NPAS3: variants seen among roughly 807,000 people sequenced by gnomAD.
The protein encoded by NPAS3 is neuronal PAS domain-containing protein 3.
NPAS3 carries 14 observed loss-of-function variants against 73.1 expected under a neutral mutation model. The ratio of observed to expected loss-of-function variants is 0.19; its 90% CI spans 0.13 to 0.30. NPAS3 has a LOEUF of 0.30. NPAS3 is among the 10% of genes least tolerant of loss of function. NPAS3 has a pLI of 1.00. For missense variants in NPAS3, 1,096 were observed against 1,250.0 expected (o/e 0.88, Z 1.86); for synonymous variants, 620 against 541.5 (o/e 1.14, Z -2.01).
chr14:33,052,325 T>C (rs1466790513), intron 1 of NPAS3, among the ~76,000 whole-genome samples: 1 of 152,120 alleles, frequency 6.6e-6, no homozygotes, highest in African/African-American at 2.4e-5. Context: ...TCTTCCCTGA[T>C]ACATATTAAA....
intron 3 of NPAS3, among the ~76,000 whole-genome samples, chr14:33,293,503 T>C (rs576037711): frequency 3.0e-4 from 45 of 152,334 alleles, no homozygotes; most frequent in Middle Eastern, 3.4e-3. Context: ...TTGAGTGATT[T>C]CAAAAGAGGG....
intron 4 of NPAS3, among the ~76,000 whole-genome samples, chr14:33,406,635 A>T (rs559058492): frequency 5.9e-5 from 9 of 152,282 alleles, no homozygotes; most frequent in Admixed American, 2.6e-4. Context: ...TTTAGTTAAT[A>T]GCAAAGTAAT....
chr14:33,644,851 G>A (rs138660154), intron 5 of NPAS3, among the ~76,000 whole-genome samples: 2 of 152,272 alleles, frequency 1.3e-5, no homozygotes, highest in African/African-American at 4.8e-5. Flanking sequence ...GAGAGGCAGA[G>A]GCGGGCGGAT....
At chr14:33,120,628 C>A (rs1477565126) in intron 2 of NPAS3, among the ~76,000 whole-genome samples, 1 of 152,092 alleles carries the variant, frequency 6.6e-6, no homozygotes, top group African/African-American at 2.4e-5. Context: ...GGTCCATGGG[C>A]TAATAGCATT....
At chr14:33,773,428 G>C (rs2062716211) in intron 7 of NPAS3, among the ~76,000 whole-genome samples, 1 of 152,098 alleles carries the variant, frequency 6.6e-6, no homozygotes, top group South Asian at 2.1e-4. Flanking sequence ...CCCCCACCCA[G>C]CCCTTCCTTC....
chr14:33,519,459 T>G (rs772389116), intron 4 of NPAS3, among the ~76,000 whole-genome samples: 5 of 152,128 alleles, frequency 3.3e-5, no homozygotes, highest in Non-Finnish European at 7.4e-5. Context: ...CAGCTTCCCC[T>G]GATGTCATTC....
At chr14:33,326,617 A>G (rs548013181) in intron 3 of NPAS3, among the ~76,000 whole-genome samples, 1 of 152,258 alleles carries the variant, frequency 6.6e-6, no homozygotes, top group Non-Finnish European at 1.5e-5. Flanking sequence ...CTAACTGCCA[A>G]TGTAAGTATC....
At chr14:33,366,352 C>T (rs572757775) in intron 3 of NPAS3, among the ~76,000 whole-genome samples, 1 of 151,812 alleles carries the variant, frequency 6.6e-6, no homozygotes, top group Non-Finnish European at 1.5e-5. Flanking sequence ...AAACAGATGA[C>T]ACTCAATTCT....
chr14:33,504,762 T>G (rs1187798732), intron 4 of NPAS3, among the ~76,000 whole-genome samples: 6 of 152,044 alleles, frequency 3.9e-5, no homozygotes, highest in Admixed American at 2.6e-4. Context: ...GCTATGGTGA[T>G]GTTTTGAGAC....
chr14:33,107,724 A>C (rs184260317), intron 2 of NPAS3, among the ~76,000 whole-genome samples: 16 of 152,270 alleles, frequency 1.1e-4, no homozygotes, highest in African/African-American at 3.4e-4. Context: ...CATATTTTCT[A>C]CAAAATGATA....
At chr14:33,113,291 T>C (rs1281032637) in intron 2 of NPAS3, among the ~76,000 whole-genome samples, 1 of 152,236 alleles carries the variant, frequency 6.6e-6, no homozygotes, top group Non-Finnish European at 1.5e-5. Context: ...TGATTCTTCC[T>C]ACCCATGAGC....
chr14:33,766,682 G>T (rs183782923), intron 7 of NPAS3, among the ~76,000 whole-genome samples: 171 of 152,224 alleles, frequency 1.1e-3, no homozygotes, highest in Middle Eastern at 3.4e-3. Context: ...GATCTTACAA[G>T]AATTTGGTTG....
chr14:33,549,399 AT>A (rs2055003549), intron 4 of NPAS3, among the ~76,000 whole-genome samples: 3 of 152,100 alleles, frequency 2.0e-5, no homozygotes, highest in African/African-American at 4.8e-5. Flanking sequence ...AGCCGGCTAC[AT>A]TTTTTTGTAT....
chr14:32,940,207 A>C (rs899402820), intron 1 of NPAS3, among the ~76,000 whole-genome samples: 1 of 152,242 alleles, frequency 6.6e-6, no homozygotes, highest in African/African-American at 2.4e-5. Flanking sequence ...TCCTGGTGAG[A>C]ATTGCATATC....
At chr14:33,361,162 T>C (rs543395050) in intron 3 of NPAS3, among the ~76,000 whole-genome samples, 17 of 152,242 alleles carry the variant, frequency 1.1e-4, no homozygotes, top group African/African-American at 3.9e-4. Context: ...TTTCCCTCAA[T>C]GGAAAAGAAA....
chr14:33,619,680 A>T (rs1279150618), intron 5 of NPAS3, among the ~76,000 whole-genome samples: 1 of 152,164 alleles, frequency 6.6e-6, no homozygotes, highest in Non-Finnish European at 1.5e-5. Flanking sequence ...ACTGAAGGGG[A>T]TGTTATTTTA....
chr14:33,391,011 G>T (rs2046978082), intron 4 of NPAS3, among the ~76,000 whole-genome samples: 1 of 151,906 alleles, frequency 6.6e-6, no homozygotes, highest in Non-Finnish European at 1.5e-5. Flanking sequence ...TTGTCCTTTA[G>T]GTATCCTAAC....
intron 2 of NPAS3, 49 bp from the exon 3 acceptor site, chr14:33,215,133 G>T: frequency 1.3e-6 from 2 of 1,578,544 alleles, no homozygotes; most frequent in South Asian, 2.3e-5. Flanking sequence ...TTTGAATGAT[G>T]ACAGAGTCAC....
chr14:33,107,462 G>A (rs995929353), intron 2 of NPAS3, among the ~76,000 whole-genome samples: 4 of 152,074 alleles, frequency 2.6e-5, no homozygotes, highest in Admixed American at 6.6e-5. Flanking sequence ...TTATGTCCAC[G>A]TATACCCAAT....
Sources: allele counts gnomAD v4.1 joint callset (sites outside exome capture counted in the v4.1 genomes callset), GRCh38; gene constraint gnomAD v4.1.1; transcripts MANE v1.5; gene names NCBI Gene and HGNC (gene_info 2026-07-23, HGNC 2026-07-21).